Variants in MROH2A observed in about 807,000 individuals in gnomAD.
MROH2A encodes maestro heat-like repeat-containing protein family member 2A.
A neutral mutation model predicts 200.4 loss-of-function variants in MROH2A; 174 were observed. The ratio of observed to expected loss-of-function variants is 0.87; its 90% CI spans 0.77 to 0.98. The LOEUF (loss-of-function observed/expected upper bound fraction) is 0.98, where lower values mean the gene tolerates loss of function less well. Among genes scored for constraint, MROH2A ranks in the 50% least tolerant of loss-of-function variants. The pLI is 0.00. For missense variants in MROH2A, 2,045 were observed against 2,139.6 expected, an observed-to-expected ratio of 0.96 and a Z score of 0.87; for synonymous variants, 829 against 840.4, an observed-to-expected ratio of 0.99 and a Z score of 0.23.
At position 233,819,370 on chromosome 2, in the gene MROH2A, C is replaced by T; in HGVS notation, c.3258C>T (p.Leu1086=). The change falls in exon 30 of 42, where the codon CTC becomes CTT. Residue 1086 remains leucine (L), a synonymous_variant. Transcript: ENST00000389758. The part of the protein sequence containing the change: ...CDEVVSLIQK[L]CENTGAMNLQ... ...AGGTGGTCTCGCTCATCCAGAAGCT[C>T]TGCGAGAACACTGGGGCCATGAACC... 1 of 1,550,478 alleles carries T rather than the reference C, an allele frequency of 6.4e-7. No homozygotes were observed. The highest frequency in any genetic ancestry group is 8.7e-7 in the Non-Finnish European group (1 of 1,146,840).
Position 233,779,695 on chromosome 2 carries a change from T to C in MROH2A, c.119T>C (p.Leu40Pro). The C allele has an allele frequency of 3.2e-6, 5 of 1,551,180 alleles. No homozygotes were observed. Among genetic ancestry groups the C allele is most frequent in the Non-Finnish European group, 4.4e-6 (5 of 1,147,112 alleles). Reference protein sequence around the residue: ...DSGTFQQVVNLLDIIDSESAK... With the variant: ...DSGTFQQVVNPLDIIDSESAK... ...GGTACCTTTCAACAAGTCGTGAACC[T>C]TCTGGACATCATTGACAGCGAGTCA... Residue 40 changes from leucine to proline, a missense_variant, in exon 3 of 42, where the codon CTT (leucine) becomes CCT (proline). Around this residue, in one of 3 missense-constraint regions of MROH2A, gnomAD observed 831 missense variants for 800.0 expected, o/e 1.04. Transcript: ENST00000389758.
At chr2:233,819,073 G>T (rs1703752903) in intron 29 of MROH2A, among the ~76,000 whole-genome samples, 1 of 152,250 alleles carries the variant, frequency 6.6e-6, no homozygotes, top group African/African-American at 2.4e-5. Flanking sequence ...CCCTGCACGT[G>T]GTGTGGGCAC....
chr2:233,820,137 G>A lies in MROH2A; in HGVS notation c.3512+81G>A. 7.6e-7 allele frequency: 1 copy of A among 1,321,082 alleles called. No individual in the cohort carries two copies. Among genetic ancestry groups the A allele is most frequent in the East Asian group, 2.8e-5 (1 of 35,798 alleles). 81.8% of individuals were successfully genotyped at this position (1,321,082 alleles called of 1,614,324 possible). On this transcript the variant is annotated intron_variant, in intron 31 of 41. Coordinates refer to ENST00000389758, the MANE Select transcript of MROH2A (RefSeq NM_001394639.1). The surrounding 1 kb of genome is among the most constrained non-coding windows in gnomAD (Gnocchi z 4.1). The stretch of plus-strand genomic sequence containing the variant: ...CTCACCACCCCGATGTGTCCCAGAA[G>A]CCTGGAGCCTTGGGCAGTACCCTGC...
intron 26 of MROH2A, among the ~76,000 whole-genome samples, chr2:233,816,037 TC>T (rs1159873228): frequency 2.0e-5 from 3 of 152,222 alleles, no homozygotes; most frequent in Non-Finnish European, 4.4e-5. Flanking sequence ...TGCATTGTTC[TC>T]TGATGACATA....
intron 5 of MROH2A, among the ~76,000 whole-genome samples, chr2:233,791,139 C>T (rs192833242): frequency 3.3e-5 from 5 of 152,234 alleles, no homozygotes; most frequent in African/African-American, 1.2e-4. Flanking sequence ...TGAGGGGGAG[C>T]GTCAGGCAGG....
chr2:233,794,016 C>T (rs576465390), intron 7 of MROH2A, among the ~76,000 whole-genome samples, 192 bp downstream of exon 7: 2 of 152,248 alleles, frequency 1.3e-5, no homozygotes, highest in African/African-American at 2.4e-5. Flanking sequence ...GCCTCATCCA[C>T]GAGGCCAGGC....
intron 3 of MROH2A, among the ~76,000 whole-genome samples, chr2:233,787,517 CATATATATTACATATATCAT>C (rs1559435110): frequency 1.7e-5 from 2 of 115,998 alleles, no homozygotes; most frequent in African/African-American, 6.9e-5. Context: ...ATTATATATA[CATATATATTACATATATCAT>C]ATATACATAT....
At chr2:233,788,057 CATATATT>C (rs1458519848) in intron 3 of MROH2A, among the ~76,000 whole-genome samples, 1 of 66,742 alleles carries the variant, frequency 1.5e-5, no homozygotes. Context: ...ATTATATATA[CATATATT>C]ATATATATAC....
At chr2:233,823,760 CG>C (rs1704122941) in intron 35 of MROH2A, 96 bp downstream of exon 35, 5 of 1,467,640 alleles carry the variant, frequency 3.4e-6, no homozygotes, top group African/African-American at 1.4e-5. Flanking sequence ...GCATGGGAGT[CG>C]GGGGGACAGG....
At chr2:233,814,305 A>C (rs1222247066) in intron 25 of MROH2A, among the ~76,000 whole-genome samples, 1 of 152,174 alleles carries the variant, frequency 6.6e-6, no homozygotes, top group Non-Finnish European at 1.5e-5. Context: ...GAGGAGAAGG[A>C]ATCTTTTGTG....
chr2:233,807,708 C>A lies in MROH2A; in HGVS notation c.2173-25C>A, dbSNP rs1702894436. 3.2e-6 allele frequency: 5 copies of A among 1,550,600 alleles called. No homozygotes were observed. The highest frequency in any genetic ancestry group is 1.2e-5 in the South Asian group (1 of 84,052). On this transcript the variant is annotated intron_variant, in intron 20 of 41. Transcript: ENST00000389758. This position sits in a 1 kb window ranked among gnomAD's most constrained non-coding sequence, Gnocchi z 4.3. ...TCTGCCCACTGGCCCCTGCCCTCAC[C>A]CTGGCTGGCTGGGTCTCCCTGCAGG...
chr2:233,783,452 G>C (rs1219889033), intron 3 of MROH2A, among the ~76,000 whole-genome samples: 1 of 152,124 alleles, frequency 6.6e-6, no homozygotes, highest in Non-Finnish European at 1.5e-5. Flanking sequence ...TTGGTAGTCT[G>C]TATATGTCCA....
At chr2:233,792,097 G>A (rs543987596) in intron 5 of MROH2A, among the ~76,000 whole-genome samples, 7 of 152,146 alleles carry the variant, frequency 4.6e-5, no homozygotes, top group African/African-American at 1.2e-4. Flanking sequence ...GCCCAAGAAC[G>A]TTTGTGGGAC....
chr2:233,818,598 G>A (rs1159194312), intron 28 of MROH2A, 54 bp from the exon 29 acceptor site: 6 of 1,133,370 alleles, frequency 5.3e-6, no homozygotes, highest in East Asian at 2.6e-5. Flanking sequence ...ACGAAGGGGG[G>A]GTGGCTGGGC....
chr2:233,795,979 G>A lies in MROH2A; in HGVS notation c.1072G>A (p.Ala358Thr), dbSNP rs200513254. ...CGTCCCTCACCAGGTGTGCAACAAG[G>A]CCCCGGCCCAGCATCAGTACAGCAG... ...TELHVQVCNK[A>T]PAQHQYSSQN... Residue 358 changes from alanine (A) to threonine (T), a missense_variant, in exon 10 of 42, where the codon GCC becomes ACC. Transcript: ENST00000389758. The A allele has an allele frequency of 2.1e-4, 331 of 1,550,472 alleles. 1 individual carries two copies. The highest frequency in any genetic ancestry group is 2.8e-4 in the Non-Finnish European group (317 of 1,146,994).
In MROH2A at chr2:233,810,468, C is replaced by T. The variant is rs879277753; in HGVS notation, c.2449-326C>T. Among the ~76,000 whole-genome samples the T allele has an allele frequency of 2.0e-4, 31 of 152,308 alleles. 1 individual carries two copies. The Middle Eastern group carries it at 0.027, about 134-fold the overall frequency. ...TGGCCCCCATGATTCAATTACCACC[C>T]GCTGGGTCCCTCCCACAACACATGG... On this transcript the variant is annotated intron_variant, in intron 22 of 41. Coordinates refer to ENST00000389758, the MANE Select transcript of MROH2A (RefSeq NM_001394639.1).
chr2:233,796,513 C>T (rs932068341), intron 11 of MROH2A, among the ~76,000 whole-genome samples, 200 bp downstream of exon 11: 1 of 152,052 alleles, frequency 6.6e-6, no homozygotes, highest in African/African-American at 2.4e-5. Flanking sequence ...CTCCCCACAC[C>T]CAACCCTCTG....
chr2:233,800,401 C>A, intron 14 of MROH2A, 86 bp downstream of exon 14: 1 of 784,514 alleles, frequency 1.3e-6, no homozygotes, highest in Non-Finnish European at 2.0e-6. Flanking sequence ...CACATCTTTG[C>A]TTCTTCCGTT....
rs1704901251 is a variant in MROH2A, at chr2:233,833,155, C to G, written c.4921C>G (p.Leu1641Val). The G allele has an allele frequency of 6.5e-7, 1 of 1,548,380 alleles. No individual in the cohort carries two copies. The highest frequency in any genetic ancestry group is 2.4e-5 in the East Asian group (1 of 40,898). ...TCTCTCAGCCCTCCAGGAACTACAGCTGGACCCGGATCCCGGGGTCAGGAG... is the reference window on the plus strand; with the variant it reads ...TCTCTCAGCCCTCCAGGAACTACAGGTGGACCCGGATCCCGGGGTCAGGAG... ...ALRNSLQELQ[L>V]DPDPGVRRAA... The change falls in exon 42 of 42, where the codon CTG becomes GTG. Residue 1641 changes from leucine to valine, a missense_variant. Around this residue, in one of 3 missense-constraint regions of MROH2A, gnomAD observed 1,201 missense variants for 1,311.3 expected, o/e 0.92. Transcript: ENST00000389758.
Sources: gnomAD v4.1 joint callset for allele counts (sites outside exome capture counted in the v4.1 genomes callset) on GRCh38, gnomAD v4.1.1 for gene constraint, gnomAD v4.1.1 regional missense constraint, Gnocchi (gnomAD v3.1) non-coding constraint, MANE v1.5 for transcripts, NCBI Gene and HGNC (gene_info 2026-07-23, HGNC 2026-07-21) for gene names.